The following TTC34 variants were observed in gnomAD, a reference collection of about 807,000 sequenced individuals.
The protein encoded by TTC34 is tetratricopeptide repeat protein 34.
In TTC34, 44 loss-of-function variants were observed where a neutral mutation model predicts 40.7. That is an observed-to-expected ratio of 1.08 (90% confidence interval 0.85 to 1.39). The LOEUF (loss-of-function observed/expected upper bound fraction) is 1.39, where lower values mean the gene tolerates loss of function less well. Ranked by LOEUF, TTC34 falls within the 40% of genes most tolerant of loss-of-function variation. The pLI, the probability that TTC34 is intolerant of heterozygous loss-of-function variation, is 0.00. For synonymous variants in TTC34, 422 were observed against 398.6 expected, an observed-to-expected ratio of 1.06 and a Z score of -0.70; for missense variants, 884 against 838.0, an observed-to-expected ratio of 1.05 and a Z score of -0.68.
At chr1:2,687,855 G>C (rs1182445923) in intron 6 of TTC34, among the ~76,000 whole-genome samples, 2 of 151,716 alleles carry the variant, frequency 1.3e-5, no homozygotes, top group Non-Finnish European at 2.9e-5. Context: ...ACCCACAGTT[G>C]AGCATCTGAC....
chr1:2,768,201 GC>G (rs1641849329), intron 6 of TTC34, among the ~76,000 whole-genome samples: 1 of 150,854 alleles, frequency 6.6e-6, no homozygotes, highest in African/African-American at 2.4e-5. Context: ...GAGCAGCAGT[GC>G]CCACCCCTGG....
At position 2,768,213 on chromosome 1, in the gene TTC34, G is replaced by T. The variant is rs1027820537; in HGVS notation, c.2226+15396C>A. On this transcript the variant is annotated intron_variant, in intron 6 of 8. Transcript: ENST00000401095. ...CTGGAGCAGCAGTGCCCACCCCTGG[G>T]TGAGGATGCTCACCTGAGGTTGGGA... Among the ~76,000 whole-genome samples the T allele has an allele frequency of 2.0e-5, 3 of 151,836 alleles. No homozygotes were observed. The South Asian group carries it at 6.3e-4, about 32-fold the overall frequency.
intron 6 of TTC34, among the ~76,000 whole-genome samples, chr1:2,773,127 A>T (rs1175575580): frequency 6.3e-4 from 93 of 146,484 alleles, no homozygotes; most frequent in African/African-American, 2.2e-3. Flanking sequence ...AGCCTGGAGC[A>T]GCACACACAA....
chr1:2,790,915 C>T (rs1643655800), intron 2 of TTC34, among the ~76,000 whole-genome samples: 1 of 152,186 alleles, frequency 6.6e-6, no homozygotes, highest in Non-Finnish European at 1.5e-5. Context: ...AGGGGCATGC[C>T]CTGCTGCTTA....
At chr1:2,640,451 G>A (rs931108323) in exon 9 of TTC34, 48 of 152,324 alleles carry the variant, frequency 3.2e-4, no homozygotes, top group African/African-American at 9.6e-4. Flanking sequence ...GACAGGTCTG[G>A]TGGGAGCCTG....
intron 6 of TTC34, among the ~76,000 whole-genome samples, chr1:2,682,086 A>C (rs1640106386): frequency 7.6e-6 from 1 of 132,138 alleles, no homozygotes; most frequent in African/African-American, 3.0e-5. Context: ...AGCATCTGAC[A>C]GCCTGGAGCA....
At chr1:2,775,271 C>T (rs570905912) in intron 6 of TTC34, 1 of 151,312 alleles carries the variant, frequency 6.6e-6, no homozygotes, top group South Asian at 2.1e-4. Flanking sequence ...ATCCTCACAT[C>T]CAGGTGAGCA....
Position 2,683,685 on chromosome 1 carries a change from G to GAGC in TTC34, c.2227-38123_2227-38122insGCT, listed in dbSNP as rs1640186834. 1.3e-4 allele frequency among the ~76,000 whole-genome samples: 3 copies of GAGC among 23,492 alleles called. No individual in the cohort carries two copies. In the Admixed American group the frequency reaches 1.5e-3, roughly 12 times the overall value. 15.4% of individuals were successfully genotyped at this position (23,492 alleles called of 152,430 possible). A position where few individuals can be genotyped will look rare whatever the true frequency, so the allele number is the denominator to read the frequency against. Reference sequence around the variant, plus strand: ...GCAGCACGCTGCACCCCCAGGTGACGATCTGACAGCCTGGAACAGCACCCA... The same window carrying GAGC: ...GCAGCACGCTGCACCCCCAGGTGACGAGCATCTGACAGCCTGGAACAGCACCCA... On this transcript the variant is annotated intron_variant, in intron 6 of 8. Coordinates refer to ENST00000401095, the Ensembl canonical transcript of TTC34.
chr1:2,688,090 C>A (rs551539592), intron 6 of TTC34, among the ~76,000 whole-genome samples: 1 of 24,646 alleles, frequency 4.1e-5, no homozygotes, highest in African/African-American at 1.3e-4. Flanking sequence ...CCCTGCACCC[C>A]CAGGTGCGCA....
chr1:2,749,446 C>T (rs1641245453), intron 6 of TTC34, among the ~76,000 whole-genome samples: 1 of 109,254 alleles, frequency 9.2e-6, no homozygotes, highest in African/African-American at 3.8e-5. Context: ...ACCGACACCC[C>T]CAGGTGAGCA....
At chr1:2,790,002 G>A (rs1643644489) in exon 3 of TTC34, 1 of 394,030 alleles carries the variant, frequency 2.5e-6, no homozygotes, top group African/African-American at 2.1e-5. Flanking sequence ...CACTCGGCGA[G>A]GCGGGCTCCC....
intron 6 of TTC34, among the ~76,000 whole-genome samples, chr1:2,694,111 C>T (rs1213492794): frequency 6.7e-4 from 59 of 87,470 alleles, no homozygotes; most frequent in African/African-American, 1.1e-3. Context: ...CCCTGCACCC[C>T]CAGGTGCGCA....
At chr1:2,677,940 T>G (rs1409324039) in intron 6 of TTC34, among the ~76,000 whole-genome samples, 1 of 33,798 alleles carries the variant, frequency 3.0e-5, no homozygotes, top group Non-Finnish European at 4.8e-5. Flanking sequence ...CACCCCCAGG[T>G]GAGCATCCGA....
At chr1:2,799,063 C>T (rs1643745319) in intron 2 of TTC34, among the ~76,000 whole-genome samples, 1 of 151,084 alleles carries the variant, frequency 6.6e-6, no homozygotes, top group Non-Finnish European at 1.5e-5. Flanking sequence ...GCCTCTCAGC[C>T]TCCAAGCCTC....
At chr1:2,800,786 C>A (rs1402889358) in exon 2 of TTC34, 1 of 398,966 alleles carries the variant, frequency 2.5e-6, no homozygotes, top group South Asian at 1.3e-4. Context: ...GCTGCTCCCC[C>A]TCCCGGCAGA....
At chr1:2,642,783 T>A (rs894115692) in intron 8 of TTC34, among the ~76,000 whole-genome samples, 5 of 152,178 alleles carry the variant, frequency 3.3e-5, no homozygotes, top group African/African-American at 1.2e-4. Context: ...CCCGCCAGGC[T>A]TGGCCGCACG....
intron 6 of TTC34, among the ~76,000 whole-genome samples, chr1:2,677,644 C>A (rs113434229): frequency 3.1e-4 from 44 of 142,864 alleles, no homozygotes; most frequent in Middle Eastern, 3.6e-3. Flanking sequence ...TGGAACAGCA[C>A]ACACACCCCC....
chr1:2,799,819 C>T (rs1289019047), intron 2 of TTC34, among the ~76,000 whole-genome samples: 1 of 152,186 alleles, frequency 6.6e-6, no homozygotes, highest in African/African-American at 2.4e-5. Flanking sequence ...AGAAGCTTTC[C>T]CTGATCACCG....
chr1:2,642,404 G>A (rs1156606944), intron 8 of TTC34, among the ~76,000 whole-genome samples: 4 of 152,142 alleles, frequency 2.6e-5, no homozygotes, highest in African/African-American at 9.7e-5. Flanking sequence ...TCTGAAGGCT[G>A]CTCCAGGCCT....
Sources: allele counts gnomAD v4.1 joint callset (sites outside exome capture counted in the v4.1 genomes callset), GRCh38; gene constraint gnomAD v4.1.1; transcripts MANE v1.5; gene names NCBI Gene and HGNC (gene_info 2026-07-23, HGNC 2026-07-21).